Variants in SEC31A observed in about 807,000 individuals in gnomAD.
The protein encoded by SEC31A is protein transport protein Sec31A.
SEC31A carries 70 observed loss-of-function variants against 151.0 expected under a neutral mutation model. The ratio of observed to expected loss-of-function variants is 0.46; its 90% CI spans 0.38 to 0.57. SEC31A has a LOEUF of 0.57. Among genes scored for constraint, SEC31A ranks in the 20% least tolerant of loss-of-function variants. SEC31A has a pLI of 0.00. For synonymous variants in SEC31A, 475 were observed against 505.9 expected, an observed-to-expected ratio of 0.94 and a Z score of 0.82; for missense variants, 1,330 against 1,471.2, an observed-to-expected ratio of 0.90 and a Z score of 1.57.
chr4:82,838,871 C>CACTAATTTTGTTG (rs1380730269), intron 22 of SEC31A, among the ~76,000 whole-genome samples: 32 of 152,332 alleles, frequency 2.1e-4, no homozygotes, highest in Admixed American at 1.8e-3. Context: ...TAATAGAAGG[C>CACTAATTTTGTTG]TTGAAAGTCT....
chr4:82,895,345 C>A (rs919124648), upstream of SEC31A: 1 of 152,166 alleles, frequency 6.6e-6, no homozygotes, highest in East Asian at 1.9e-4. Flanking sequence ...TGGCATGCGC[C>A]TCTAATCCCA....
intron 1 of SEC31A, among the ~76,000 whole-genome samples, chr4:82,883,805 G>A (rs1174118601): frequency 2.0e-5 from 3 of 151,464 alleles, no homozygotes; most frequent in Middle Eastern, 3.4e-3. Flanking sequence ...ATCCAGCCTG[G>A]GCGACAGAGT....
At position 82,841,648 on chromosome 4, in the gene SEC31A, A is replaced by C. The variant is rs577914658; in HGVS notation, c.2968+492T>G. ...AGAATGAGACTGGGTCTTAAAAAAA[A>C]CAAAAAAACCCCAAAAACAACAACA... On this transcript the variant is annotated intron_variant, in intron 22 of 26. Transcript: ENST00000395310. Among the ~76,000 whole-genome samples, 10 of 150,176 alleles carry C rather than the reference A, an allele frequency of 6.7e-5. No individual in the cohort carries two copies. The East Asian group carries it at 7.9e-4, about 12-fold the overall frequency.
intron 1 of SEC31A, among the ~76,000 whole-genome samples, chr4:82,889,140 C>G (rs1035743436): frequency 6.6e-6 from 1 of 152,328 alleles, no homozygotes; most frequent in East Asian, 1.9e-4. Flanking sequence ...GAGAAAGCAA[C>G]TGTGCACTGG....
rs1195953182 is a variant in SEC31A, at chr4:82,857,679, A to C, written c.1702+10T>G. On this transcript the variant is annotated intron_variant, in intron 15 of 26. Transcript: ENST00000395310. ...AAAAAAATTAGAAATCAAAACCAAC[A>C]AGTACTTACCCCCACTGACAGAGAT... The C allele has an allele frequency of 6.6e-7, 1 of 1,521,308 alleles. No homozygotes were observed. Among genetic ancestry groups the C allele is most frequent in the Admixed American group, 1.8e-5 (1 of 56,386 alleles). 94.2% of individuals were successfully genotyped at this position (1,521,308 alleles called of 1,614,324 possible). A position where few individuals can be genotyped will look rare whatever the true frequency, so the allele number is the denominator to read the frequency against.
chr4:82,866,764 A>G, intron 10 of SEC31A, 44 bp downstream of exon 10: 1 of 1,538,570 alleles, frequency 6.5e-7, no homozygotes, highest in Admixed American at 2.2e-5. Context: ...TTTGGTATAA[A>G]AAGTCCTTTG....
intron 1 of SEC31A, among the ~76,000 whole-genome samples, chr4:82,882,635 G>A (rs1268979096): frequency 6.6e-6 from 1 of 152,004 alleles, no homozygotes; most frequent in African/African-American, 2.4e-5. Context: ...AATAAATAAG[G>A]TGCAACTTCC....
intron 1 of SEC31A, among the ~76,000 whole-genome samples, chr4:82,890,253 A>C (rs1055009878): frequency 6.6e-6 from 1 of 151,984 alleles, no homozygotes; most frequent in African/African-American, 2.4e-5. Flanking sequence ...CAACTCTTGA[A>C]TAAACGGAGG....
At chr4:82,882,172 G>C (rs954063007) in intron 1 of SEC31A, among the ~76,000 whole-genome samples, 15 of 152,258 alleles carry the variant, frequency 9.9e-5, no homozygotes, top group African/African-American at 3.6e-4. Context: ...GGGAGGCCAA[G>C]GCGGGCGGAT....
Position 82,864,288 on chromosome 4 carries a change from G to A in SEC31A, c.1434+74C>T, listed in dbSNP as rs1734828254. On this transcript the variant is annotated intron_variant, in intron 11 of 26. Coordinates refer to ENST00000395310, the MANE Select transcript of SEC31A (RefSeq NM_001077207.4). ...TTTTCAATTGTTTCTTTAATAGGAG[G>A]ACAGATTTAGAATATAAAGGAACAG... The A allele has an allele frequency of 1.2e-5, 12 of 1,010,238 alleles. No homozygotes were observed. The South Asian group carries it at 1.7e-4, about 14-fold the overall frequency. The allele number at this position is 1,010,238 out of a possible 1,614,324, so 62.6% of individuals were successfully genotyped here. A position where few individuals can be genotyped will look rare whatever the true frequency, so the allele number is the denominator to read the frequency against.
chr4:82,850,716 T>C (rs1450893983), intron 19 of SEC31A, among the ~76,000 whole-genome samples: 1 of 152,202 alleles, frequency 6.6e-6, no homozygotes. Flanking sequence ...TTTCCCTTTG[T>C]TGGGTTCCAC....
chr4:82,881,779 TA>T, intron 2 of SEC31A, 78 bp downstream of exon 2: 2 of 1,087,870 alleles, frequency 1.8e-6, no homozygotes, highest in Non-Finnish European at 2.8e-6. Context: ...CTAGAGAAGA[TA>T]AAGCTTAAAC....
At chr4:82,891,568 G>GA (rs1478209812), upstream of SEC31A, among the ~76,000 whole-genome samples, 1 of 152,250 alleles carries the variant, frequency 6.6e-6, no homozygotes, top group East Asian at 1.9e-4. Context: ...AAACCAGGTG[G>GA]AAAATCGGGC....
chr4:82,849,878 G>T (rs1216551204), intron 19 of SEC31A, among the ~76,000 whole-genome samples: 1 of 152,034 alleles, frequency 6.6e-6, no homozygotes, highest in Non-Finnish European at 1.5e-5. Context: ...GTTTCAGCAA[G>T]ATTTTAGTAT....
chr4:82,873,447 A>T (rs994532337), intron 6 of SEC31A, among the ~76,000 whole-genome samples: 1 of 152,198 alleles, frequency 6.6e-6, no homozygotes, highest in Non-Finnish European at 1.5e-5. Flanking sequence ...AAATCAAGGC[A>T]AAATATCTGA....
intron 14 of SEC31A, among the ~76,000 whole-genome samples, chr4:82,858,207 T>C (rs1292322934): frequency 1.3e-5 from 2 of 151,654 alleles, no homozygotes; most frequent in Admixed American, 6.6e-5. Flanking sequence ...GGTCAGGAGA[T>C]CAAGACCATT....
At chr4:82,849,954 C>A (rs1451601599) in intron 19 of SEC31A, among the ~76,000 whole-genome samples, 1 of 151,952 alleles carries the variant, frequency 6.6e-6, no homozygotes, top group African/African-American at 2.4e-5. Context: ...ATGTTTTAGG[C>A]ATATTTTATT....
In SEC31A at chr4:82,829,050, T is replaced by G. The variant is rs770903936; in HGVS notation, c.2977A>C (p.Asn993His). 6.2e-7 allele frequency: 1 copy of G among 1,612,872 alleles called. No individual in the cohort carries two copies. Among genetic ancestry groups the G allele is most frequent in the Admixed American group, 1.7e-5 (1 of 60,014 alleles). Residue 993 changes from asparagine to histidine, a missense_variant, in exon 23 of 27, where the codon AAT (asparagine) becomes CAT (histidine). Coordinates refer to ENST00000395310, the MANE Select transcript of SEC31A (RefSeq NM_001077207.4). ...AAAGCTGGAGGGTCATTCCAACCAT[T>G]CTGAGGACCTATAACAGATAACAGA... ...LPASQRTGPQ[N>H]GWNDPPALNR... is the part of the protein sequence containing the mutation.
At chr4:82,831,145 TAAGA>T (rs1470446917) in intron 22 of SEC31A, 1 of 163,034 alleles carries the variant, frequency 6.1e-6, no homozygotes, top group Non-Finnish European at 1.3e-5. Context: ...GTCTTCTAAT[TAAGA>T]AAGTAACTGG....
Sources: allele counts gnomAD v4.1 joint callset (sites outside exome capture counted in the v4.1 genomes callset), GRCh38; gene constraint gnomAD v4.1.1; transcripts MANE v1.5; gene names NCBI Gene and HGNC (gene_info 2026-07-23, HGNC 2026-07-21).